The following ABLIM1 variants were observed in gnomAD, a reference collection of about 807,000 sequenced individuals.
The protein encoded by ABLIM1 is actin binding LIM protein 1, also known as actin-binding LIM protein 1.
A neutral mutation model predicts 107.0 loss-of-function variants in ABLIM1; 40 were observed. The observed-to-expected ratio is 0.37, with a 90% confidence interval of 0.29 to 0.49. The LOEUF (loss-of-function observed/expected upper bound fraction) is 0.49. ABLIM1 is among the 20% of genes least tolerant of loss of function. ABLIM1 has a pLI of 0.97. For synonymous variants in ABLIM1, 357 were observed against 357.3 expected (o/e 1.00, Z 0.01); for missense variants, 857 against 1,008.5 (o/e 0.85, Z 2.04).
chr10:114,495,702 C>T (rs898808615), intron 6 of ABLIM1, among the ~76,000 whole-genome samples: 14 of 152,084 alleles, frequency 9.2e-5, no homozygotes, highest in African/African-American at 2.7e-4. Flanking sequence ...TACTCTTTTA[C>T]GTACTCCATA....
chr10:114,615,906 A>G (rs149092258), intron 1 of ABLIM1, among the ~76,000 whole-genome samples: 41 of 152,228 alleles, frequency 2.7e-4, no homozygotes, highest in Middle Eastern at 3.4e-3. Flanking sequence ...CACACAACAA[A>G]GCACAATTTC....
intron 6 of ABLIM1, among the ~76,000 whole-genome samples, chr10:114,526,040 G>C (rs968031808): frequency 6.6e-6 from 1 of 151,984 alleles, no homozygotes; most frequent in Admixed American, 6.6e-5. Context: ...TTCTTTTACT[G>C]CATATCAAAG....
chr10:114,549,426 T>C (rs2483531), intron 4 of ABLIM1, among the ~76,000 whole-genome samples: 118,620 of 152,106 alleles, frequency 0.78, 46,914 homozygotes, highest in African/African-American at 0.93. Context: ...TTACCCAGCA[T>C]AAGCCCAAAT....
intron 12 of ABLIM1, chr10:114,463,186 G>A: frequency 8.0e-7 from 1 of 1,251,120 alleles, no homozygotes; most frequent in Non-Finnish European, 1.0e-6. Flanking sequence ...GGAGTCAGGG[G>A]CAGGGCACGG....
intron 8 of ABLIM1, among the ~76,000 whole-genome samples, chr10:114,477,249 GT>G (rs1340700506): frequency 2.6e-5 from 4 of 152,222 alleles, no homozygotes; most frequent in Non-Finnish European, 5.9e-5. Context: ...TTGAGATCAA[GT>G]AGCAGAAAAG....
chr10:114,639,905 T>C (rs1002143199), intron 1 of ABLIM1, among the ~76,000 whole-genome samples: 4 of 152,138 alleles, frequency 2.6e-5, no homozygotes, highest in Admixed American at 6.5e-5. Flanking sequence ...TCACAATGTG[T>C]AGGAATTCAG....
chr10:114,569,799 G>A (rs2071381490), intron 4 of ABLIM1, among the ~76,000 whole-genome samples: 1 of 152,174 alleles, frequency 6.6e-6, no homozygotes, highest in Non-Finnish European at 1.5e-5. Flanking sequence ...CTAGGATGGT[G>A]CCTTGCTTTG....
At chr10:114,764,599 C>T (rs989836073) in intron 1 of ABLIM1, among the ~76,000 whole-genome samples, 1 of 152,208 alleles carries the variant, frequency 6.6e-6, no homozygotes, top group Non-Finnish European at 1.5e-5. Context: ...GCCTCAGCCT[C>T]CCAACGTGCT....
intron 1 of ABLIM1, among the ~76,000 whole-genome samples, chr10:114,751,689 G>T (rs992487651): frequency 1.3e-5 from 2 of 149,916 alleles, no homozygotes; most frequent in Non-Finnish European, 3.0e-5. Context: ...AGTGGAGGTT[G>T]CAGTGAGCCA....
At chr10:114,464,135 G>A (rs2064586078) in intron 12 of ABLIM1, among the ~76,000 whole-genome samples, 2 of 151,858 alleles carry the variant, frequency 1.3e-5, no homozygotes, top group Non-Finnish European at 2.9e-5. Flanking sequence ...CATGGCTGGG[G>A]TCTCAGTGAC....
chr10:114,740,692 A>T (rs1179335665), intron 1 of ABLIM1, among the ~76,000 whole-genome samples: 2 of 152,126 alleles, frequency 1.3e-5, no homozygotes, highest in Non-Finnish European at 2.9e-5. Context: ...ACTATATTAG[A>T]TATAGTAACT....
At chr10:114,492,390 C>A (rs1200575146) in intron 6 of ABLIM1, among the ~76,000 whole-genome samples, 1 of 152,146 alleles carries the variant, frequency 6.6e-6, no homozygotes, top group Non-Finnish European at 1.5e-5. Context: ...CAAGGGGGGC[C>A]CTAAGTCTCC....
At chr10:114,634,353 C>G (rs35242540) in intron 1 of ABLIM1, among the ~76,000 whole-genome samples, 4 of 150,996 alleles carry the variant, frequency 2.6e-5, no homozygotes, top group Admixed American at 6.6e-5. Flanking sequence ...AGGATGGTCT[C>G]GATCTCCTGA....
At chr10:114,688,534 A>G (rs1302586064), upstream of ABLIM1, among the ~76,000 whole-genome samples, 3 of 152,168 alleles carry the variant, frequency 2.0e-5, no homozygotes, top group Non-Finnish European at 2.9e-5. Context: ...CATAGCTCAC[A>G]TTGACCGAGG....
intron 4 of ABLIM1, among the ~76,000 whole-genome samples, chr10:114,554,756 T>C (rs919636445): frequency 2.0e-5 from 3 of 152,110 alleles, no homozygotes; most frequent in Admixed American, 1.3e-4. Flanking sequence ...ATAATAAAAG[T>C]AGCAATAGGG....
At position 114,725,049 on chromosome 10, in the gene ABLIM1, A is replaced by T. The variant is rs545708536; in HGVS notation, c.-213+43012T>A. ...CCCCAGCCACACAAAATAATTTAAT[A>T]CCATGTTTACAAAGGGAAAGGAAAT... On this transcript the variant is annotated intron_variant, in intron 1 of 15. Transcript: ENST00000651092. Among the ~76,000 whole-genome samples the T allele has an allele frequency of 7.9e-5, 12 of 152,318 alleles. No homozygotes were observed. In the East Asian group the frequency reaches 2.1e-3, roughly 27 times the overall value.
At chr10:114,694,105 A>T (rs1020792622) in intron 1 of ABLIM1, among the ~76,000 whole-genome samples, 1 of 152,224 alleles carries the variant, frequency 6.6e-6, no homozygotes, top group African/African-American at 2.4e-5. Flanking sequence ...AGAAAATAAT[A>T]TTCGGTTGAT....
chr10:114,432,353 A>G lies in ABLIM1; in HGVS notation c.*3907T>C, dbSNP rs951745666. On this transcript the variant is annotated 3_prime_UTR_variant, in exon 23 of 23. Transcript: ENST00000533213. ...TGAGACAGTCTATTTTCCTTCCACC[A>G]TCTTCCATGAGAGTCAGGAAAAGGG... The G allele has an allele frequency of 2.0e-5, 3 of 152,166 alleles. No individual in the cohort carries two copies. The highest frequency in any genetic ancestry group is 2.9e-5 in the Non-Finnish European group (2 of 68,028). 9.4% of individuals were successfully genotyped at this position (152,166 alleles called of 1,614,324 possible). A position where few individuals can be genotyped will look rare whatever the true frequency, so the allele number is the denominator to read the frequency against.
chr10:114,700,032 C>A (rs1418566731), intron 1 of ABLIM1, among the ~76,000 whole-genome samples: 1 of 152,110 alleles, frequency 6.6e-6, no homozygotes, highest in Non-Finnish European at 1.5e-5. Context: ...CTCCTGGACT[C>A]AAGCAATCCT....
Sources: gnomAD v4.1 joint callset for allele counts (sites outside exome capture counted in the v4.1 genomes callset) on GRCh38, gnomAD v4.1.1 for gene constraint, MANE v1.5 for transcripts, NCBI Gene and HGNC (gene_info 2026-07-23, HGNC 2026-07-21) for gene names.